The following ABCA4 variants were observed in gnomAD, a reference collection of about 807,000 sequenced individuals.
ABCA4 encodes retinal-specific phospholipid-transporting ATPase ABCA4.
Under a neutral mutation model 263.7 loss-of-function variants are expected in ABCA4, and 196 were observed. The observed-to-expected ratio is 0.74, with a 90% CI of 0.66 to 0.84. ABCA4 has a LOEUF of 0.84. Among genes scored for constraint, ABCA4 ranks in the 40% least tolerant of loss-of-function variants. The pLI, the probability that ABCA4 is intolerant of heterozygous loss-of-function variation, is 0.00. For synonymous variants in ABCA4, 1,133 were observed against 1,094.2 expected, an observed-to-expected ratio of 1.04 and a Z score of -0.70; for missense variants, 2,792 against 2,855.1, an observed-to-expected ratio of 0.98 and a Z score of 0.50.
At chr1:94,022,466 C>T (rs2101024949) in intron 32 of ABCA4, among the ~76,000 whole-genome samples, 1 of 152,348 alleles carries the variant, frequency 6.6e-6, no homozygotes, top group South Asian at 2.1e-4. Flanking sequence ...CCATCTTCAT[C>T]CTGTCATCCC....
rs760701725 is a variant in ABCA4, at chr1:94,083,397, T to C, written c.813A>G (p.Arg271=). The C allele has an allele frequency of 1.9e-6, 3 of 1,613,880 alleles. No individual in the cohort carries two copies. The highest frequency in any genetic ancestry group is 2.5e-6 in the Non-Finnish European group (3 of 1,179,918). Residue 271 remains arginine, a synonymous_variant, in exon 7 of 50, where the codon AGA becomes AGG. Transcript: ENST00000370225. The stretch of plus-strand genomic sequence containing the variant: ...TATCAGATAATATTCCTCCCCAAGA[T>C]CTCAGATTGATACCTTGAGAACGGC... ...LDSRSQGINL[R]SWGGILSDMS...
chr1:94,089,249 T>A (rs537684729), intron 6 of ABCA4, among the ~76,000 whole-genome samples: 4 of 152,338 alleles, frequency 2.6e-5, no homozygotes, highest in Non-Finnish European at 5.9e-5. Context: ...TTATCTGGTA[T>A]GAATTTTAAG....
intron 8 of ABCA4, among the ~76,000 whole-genome samples, chr1:94,079,986 A>G (rs1323655223): frequency 1.5e-5 from 1 of 65,786 alleles, no homozygotes; most frequent in African/African-American, 3.8e-5. Context: ...TTTACCCCAT[A>G]GAAGACCAAA....
At chr1:94,033,541 G>A (rs934380098) in intron 26 of ABCA4, among the ~76,000 whole-genome samples, 2 of 152,108 alleles carry the variant, frequency 1.3e-5, no homozygotes, top group Admixed American at 6.5e-5. Context: ...TTATGTTGAA[G>A]CTACAGTTTA....
chr1:94,060,585 G>A lies in ABCA4; in HGVS notation c.2112C>T (p.Ser704=). 1 of 1,614,182 alleles carries A rather than the reference G, an allele frequency of 6.2e-7. No homozygotes were observed. Among genetic ancestry groups the A allele is most frequent in the African/African-American group, 1.3e-5 (1 of 75,026 alleles). Residue 704 remains serine, a synonymous_variant, in exon 14 of 50, where the codon AGC becomes AGT. Transcript: ENST00000370225. ...AVIWCTWFLD[S]FSIMSMSIFL... ...AGATGCTCATCGACATGATGGAGAA[G>A]CTGTCCAGGAACCAGGTACACCAAA... is the stretch of plus-strand genomic sequence containing the variant.
chr1:94,018,147 C>T (rs1659787581), intron 36 of ABCA4, among the ~76,000 whole-genome samples: 1 of 152,254 alleles, frequency 6.6e-6, no homozygotes, highest in Non-Finnish European at 1.5e-5. Context: ...TCTATCCTAG[C>T]TACATCTCTC....
chr1:94,096,517 C>T (rs1396202533), intron 6 of ABCA4, among the ~76,000 whole-genome samples: 2 of 152,124 alleles, frequency 1.3e-5, no homozygotes, highest in Non-Finnish European at 2.9e-5. Context: ...AGAAAGCAAG[C>T]CCCCAGGACC....
At chr1:94,109,834 C>T (rs1212880845) in intron 3 of ABCA4, among the ~76,000 whole-genome samples, 2 of 152,190 alleles carry the variant, frequency 1.3e-5, no homozygotes, top group Non-Finnish European at 2.9e-5. Flanking sequence ...CCGTGCCTTG[C>T]AAGCAAAAGA....
intron 5 of ABCA4, 92 bp downstream of exon 5, chr1:94,102,923 G>T: frequency 6.4e-7 from 1 of 1,558,320 alleles, no homozygotes; most frequent in Non-Finnish European, 8.8e-7. Context: ...ACACAAGGAA[G>T]AAAGAAGAAA....
chr1:94,043,267 GC>G, intron 21 of ABCA4, 68 bp downstream of exon 21: 1 of 1,608,672 alleles, frequency 6.2e-7, no homozygotes, highest in Non-Finnish European at 8.5e-7. Flanking sequence ...AGCCTCCCCT[GC>G]CTCCTGGGTG....
At chr1:94,066,537 C>T (rs1043827496) in intron 11 of ABCA4, among the ~76,000 whole-genome samples, 2 of 152,368 alleles carry the variant, frequency 1.3e-5, no homozygotes, top group Admixed American at 1.3e-4. Flanking sequence ...TACCAGTTCA[C>T]TCAGTCATGG....
intron 6 of ABCA4, among the ~76,000 whole-genome samples, chr1:94,096,542 A>C (rs1439754078): frequency 6.6e-6 from 1 of 152,120 alleles, no homozygotes; most frequent in Non-Finnish European, 1.5e-5. Flanking sequence ...TGAGGTCTGC[A>C]AGGGTGACAG....
At chr1:94,039,127 A>G (rs1011919668) in intron 24 of ABCA4, among the ~76,000 whole-genome samples, 4 of 152,182 alleles carry the variant, frequency 2.6e-5, no homozygotes, top group African/African-American at 9.7e-5. Flanking sequence ...ACAGCAAGGC[A>G]GGCTAGGAGA....
rs886044757 is a variant in ABCA4, at chr1:94,007,666, C to G, written c.5973G>C (p.Val1991=). 4 of 1,614,082 alleles carry G rather than the reference C, an allele frequency of 2.5e-6. No individual in the cohort carries two copies. The South Asian group carries it at 3.3e-5, about 13-fold the overall frequency. ...TFKMLTGDTT[V]TSGDATVAGK... is the part of the protein sequence containing the mutation. ...CTGCTACGGTGGCATCCCCTGAGGT[C>G]ACTGTGGTGTCCCCAGTGAGCATCT... Residue 1991 remains valine (V), a synonymous_variant, in exon 43 of 50, where the codon GTG becomes GTC. Coordinates refer to ENST00000370225, the MANE Select transcript of ABCA4 (RefSeq NM_000350.3).
chr1:94,115,950 G>C (rs1260246651), intron 1 of ABCA4, among the ~76,000 whole-genome samples: 1 of 152,120 alleles, frequency 6.6e-6, no homozygotes, highest in African/African-American at 2.4e-5. Flanking sequence ...AAAGAGGGAG[G>C]GCTGTGTATC....
Position 94,001,932 on chromosome 1 carries a change from T to G in ABCA4, c.6208A>C (p.Thr2070Pro). 1.9e-6 allele frequency: 3 copies of G among 1,614,206 alleles called. No individual in the cohort carries two copies. The highest frequency in any genetic ancestry group is 2.5e-6 in the Non-Finnish European group (3 of 1,180,024). ...LTVYADCLAG[T>P]YSGGNKRKLS... ...TTCCGCTTGTTGCCCCCACTGTACG[T>G]GCCAGCCAGGCAGTCGGCGTAGACA... is the stretch of plus-strand genomic sequence containing the variant. Residue 2070 changes from threonine (T) to proline (P), a missense_variant, in exon 45 of 50, where the codon ACG (threonine) becomes CCG (proline). Physicochemically the swap from Thr to Pro is conservative, Grantham distance 38. Coordinates refer to ENST00000370225, the MANE Select transcript of ABCA4 (RefSeq NM_000350.3).
chr1:94,050,525 T>C (rs912111877), intron 17 of ABCA4, among the ~76,000 whole-genome samples: 1 of 152,260 alleles, frequency 6.6e-6, no homozygotes, highest in Non-Finnish European at 1.5e-5. Flanking sequence ...GGCAAACATA[T>C]TTGTGATTCA....
rs1226163905 is a variant in ABCA4 at position 93,998,044 on chromosome 1, C to T, written c.6546G>A (p.Leu2182=). 1 of 1,614,208 alleles carries T rather than the reference C, an allele frequency of 6.2e-7. No homozygotes were observed. The highest frequency in any genetic ancestry group is 8.5e-7 in the Non-Finnish European group (1 of 1,180,032). ...KSPKDDLLPD[L]NPVEQFFQGN... ...CCTGGAAGAACTGCTCCACAGGGTTCAGGTCAGGAAGCAGGTCGTCCTTCG... is the reference window on the plus strand; with the variant it reads ...CCTGGAAGAACTGCTCCACAGGGTTTAGGTCAGGAAGCAGGTCGTCCTTCG... The change falls in exon 48 of 50, where the codon CTG becomes CTA. Residue 2182 remains leucine, a synonymous_variant. Coordinates refer to ENST00000370225, the MANE Select transcript of ABCA4 (RefSeq NM_000350.3).
intron 3 of ABCA4, among the ~76,000 whole-genome samples, chr1:94,109,295 A>G (rs144457503): frequency 1.5e-3 from 231 of 152,324 alleles, no homozygotes; most frequent in African/African-American, 5.3e-3. Flanking sequence ...AGCCTTAAAC[A>G]GGGTGACATT....
Sources: allele counts gnomAD v4.1 joint callset (sites outside exome capture counted in the v4.1 genomes callset), GRCh38; gene constraint gnomAD v4.1.1; transcripts MANE v1.5; gene names NCBI Gene and HGNC (gene_info 2026-07-23, HGNC 2026-07-21).